GALNT10: variants seen among roughly 807,000 people sequenced by gnomAD.
GALNT10 encodes the protein polypeptide N-acetylgalactosaminyltransferase 10.
In GALNT10, 41 loss-of-function variants were observed where a neutral mutation model predicts 75.0. That is an observed-to-expected ratio of 0.55 (90% CI 0.43 to 0.71). GALNT10 has a LOEUF of 0.71. Ranked by LOEUF, GALNT10 falls within the 30% of genes least tolerant of loss-of-function variation. GALNT10 has a pLI of 0.00. For missense variants in GALNT10, 727 were observed against 818.5 expected, an observed-to-expected ratio of 0.89 and a Z score of 1.36; for synonymous variants, 302 against 313.0, an observed-to-expected ratio of 0.96 and a Z score of 0.37.
chr5:154,210,581 T>C (rs1246978721), intron 1 of GALNT10, among the ~76,000 whole-genome samples: 2 of 152,232 alleles, frequency 1.3e-5, no homozygotes, highest in African/African-American at 4.8e-5. Flanking sequence ...GATTATTTGA[T>C]TAACATGTCT....
Position 154,409,421 on chromosome 5 carries a change from A to G in GALNT10, c.1165-120A>G, listed in dbSNP as rs749842616. 1.3e-6 allele frequency: 1 copy of G among 775,096 alleles called. No homozygotes were observed. The highest frequency in any genetic ancestry group is 2.4e-6 in the Non-Finnish European group (1 of 422,168). The allele number at this position is 775,096 out of a possible 1,614,324, so 48.0% of individuals were successfully genotyped here. On this transcript the variant is annotated intron_variant, in intron 8 of 11. Transcript: ENST00000297107. This position sits in a 1 kb window ranked among gnomAD's most constrained non-coding sequence, Gnocchi z 4.5. ...GGCCTAAACTCACGGTGGGGCTGGG[A>G]TTTTTGATGGAACATAAAATAAGAA...
intron 3 of GALNT10, among the ~76,000 whole-genome samples, chr5:154,327,042 C>G (rs2113114392): frequency 6.6e-6 from 1 of 151,900 alleles, no homozygotes; most frequent in Middle Eastern, 3.4e-3. Flanking sequence ...TTGGTGAAAC[C>G]TTGTCTCTAC....
intron 4 of GALNT10, among the ~76,000 whole-genome samples, chr5:154,339,903 AG>A (rs1581981646): frequency 6.6e-6 from 1 of 152,232 alleles, no homozygotes; most frequent in African/African-American, 2.4e-5. Context: ...GAGAGGGCAG[AG>A]GAACTGCCCC....
At chr5:154,329,172 C>T (rs1261128846) in intron 3 of GALNT10, among the ~76,000 whole-genome samples, 1 of 152,116 alleles carries the variant, frequency 6.6e-6, no homozygotes, top group East Asian at 1.9e-4. Flanking sequence ...ATTTTCCTAG[C>T]ACTCCTTTTG....
intron 1 of GALNT10, among the ~76,000 whole-genome samples, chr5:154,218,506 C>T (rs1752919198): frequency 6.6e-6 from 1 of 152,118 alleles, no homozygotes; most frequent in South Asian, 2.1e-4. Flanking sequence ...TGAGAATCTT[C>T]AAAAAGGTAT....
chr5:154,293,613 A>G (rs369783398), intron 1 of GALNT10, among the ~76,000 whole-genome samples: 3 of 109,418 alleles, frequency 2.7e-5, no homozygotes, highest in Non-Finnish European at 5.7e-5. Flanking sequence ...ATATATATAT[A>G]TTTTTTTTTT....
At chr5:154,322,357 C>T (rs1754688570) in intron 3 of GALNT10, among the ~76,000 whole-genome samples, 1 of 152,044 alleles carries the variant, frequency 6.6e-6, no homozygotes, top group Admixed American at 6.6e-5. Context: ...GGGTGGAGTC[C>T]CTCTCGTAGC....
chr5:154,386,541 T>G lies in GALNT10; in HGVS notation c.1056+111T>G. 3 of 705,084 alleles carry G rather than the reference T, an allele frequency of 4.3e-6. No homozygotes were observed. The South Asian group carries it at 4.4e-5, about 10-fold the overall frequency. 43.7% of individuals were successfully genotyped at this position (705,084 alleles called of 1,614,324 possible). On this transcript the variant is annotated intron_variant, in intron 7 of 11. Coordinates refer to ENST00000297107, the MANE Select transcript of GALNT10 (RefSeq NM_198321.4). ...GGAAAGACTGGAGGCCTCAGGGTTC[T>G]GTAGCCCTTCTGCCCATCAGGTGAA... is the stretch of plus-strand genomic sequence containing the variant.
chr5:154,310,102 A>C (rs1029558086), intron 3 of GALNT10, among the ~76,000 whole-genome samples: 10 of 152,074 alleles, frequency 6.6e-5, no homozygotes, highest in Non-Finnish European at 7.4e-5. Flanking sequence ...GGGAGTCTGC[A>C]CCCGCCCCCA....
At chr5:154,408,104 T>G (rs1187633520) in intron 8 of GALNT10, among the ~76,000 whole-genome samples, 2 of 152,246 alleles carry the variant, frequency 1.3e-5, no homozygotes, top group Admixed American at 6.5e-5. Context: ...TAAGTTTTAC[T>G]GGAACCCAGC....
At chr5:154,226,871 C>A (rs1753071054) in intron 1 of GALNT10, among the ~76,000 whole-genome samples, 2 of 152,054 alleles carry the variant, frequency 1.3e-5, no homozygotes, top group South Asian at 4.2e-4. Flanking sequence ...TCCCAGGCAA[C>A]CACTGCCCTC....
intron 1 of GALNT10, among the ~76,000 whole-genome samples, chr5:154,251,298 G>C (rs145320936): frequency 2.1e-3 from 319 of 152,100 alleles, no homozygotes; most frequent in African/African-American, 7.3e-3. Flanking sequence ...ACCCATATTA[G>C]TTTAGCCTTA....
intron 1 of GALNT10, among the ~76,000 whole-genome samples, chr5:154,240,183 T>C (rs954534158): frequency 1.3e-5 from 2 of 152,210 alleles, no homozygotes; most frequent in African/African-American, 4.8e-5. Flanking sequence ...GGGCCTGCCA[T>C]CTGGTGGGGT....
rs551575051 is a variant in GALNT10 at position 154,396,288 on chromosome 5, C to A, written c.1057-7816C>A. Reference sequence around the variant, plus strand: ...AGTCACAGAAAGAAAAATTCACAAGCCCCCAGGGCAGAAAAGTGAATGCAT... The same window carrying A: ...AGTCACAGAAAGAAAAATTCACAAGACCCCAGGGCAGAAAAGTGAATGCAT... On this transcript the variant is annotated intron_variant, in intron 7 of 11. Coordinates refer to ENST00000297107, the MANE Select transcript of GALNT10 (RefSeq NM_198321.4). Among the ~76,000 whole-genome samples the A allele has an allele frequency of 2.6e-5, 4 of 152,268 alleles. No homozygotes were observed. The South Asian group carries it at 8.3e-4, about 32-fold the overall frequency.
Position 154,190,872 on chromosome 5 carries a change from G to A in GALNT10, c.6G>A (p.Arg2=), listed in dbSNP as rs1258916761. The part of the protein sequence containing the change: M[R]RKEKRLLQAV... Reference sequence around the variant, plus strand: ...GGCGGGGCTGACCGGCCCCGATGAGGCGGAAGGAGAAGCGGCTCCTGCAGG... The same window carrying A: ...GGCGGGGCTGACCGGCCCCGATGAGACGGAAGGAGAAGCGGCTCCTGCAGG... Residue 2 remains arginine (R), a synonymous_variant, in exon 1 of 12, where the codon AGG becomes AGA. Transcript: ENST00000297107. The A allele has an allele frequency of 7.1e-7, 1 of 1,411,508 alleles. No individual in the cohort carries two copies. The highest frequency in any genetic ancestry group is 1.5e-5 in the African/African-American group (1 of 67,446). 87.4% of individuals were successfully genotyped at this position (1,411,508 alleles called of 1,614,324 possible).
At chr5:154,328,646 T>C (rs1386964009) in intron 3 of GALNT10, among the ~76,000 whole-genome samples, 1 of 152,116 alleles carries the variant, frequency 6.6e-6, no homozygotes, top group African/African-American at 2.4e-5. Flanking sequence ...GGTAAAGGGA[T>C]TGGTCCCACA....
intron 2 of GALNT10, among the ~76,000 whole-genome samples, chr5:154,296,201 C>T (rs1754269279): frequency 6.6e-6 from 1 of 152,170 alleles, no homozygotes; most frequent in African/African-American, 2.4e-5. Flanking sequence ...ATTCTCCTGC[C>T]TCAGCCTCCC....
intron 1 of GALNT10, among the ~76,000 whole-genome samples, chr5:154,248,124 T>G (rs1406139152): frequency 6.6e-6 from 1 of 152,198 alleles, no homozygotes; most frequent in Non-Finnish European, 1.5e-5. Context: ...TTATTGATTT[T>G]CCTATGTTGA....
intron 4 of GALNT10, among the ~76,000 whole-genome samples, chr5:154,353,269 G>A (rs1049889519): frequency 2.0e-5 from 3 of 152,064 alleles, no homozygotes; most frequent in African/African-American, 4.8e-5. Flanking sequence ...AATTATGAGC[G>A]AAAACAGATT....
Sources: allele counts gnomAD v4.1 joint callset (sites outside exome capture counted in the v4.1 genomes callset), GRCh38; gene constraint gnomAD v4.1.1; non-coding constraint Gnocchi (gnomAD v3.1); transcripts MANE v1.5; gene names NCBI Gene and HGNC (gene_info 2026-07-23, HGNC 2026-07-21).